The following EPB41L3 variants were observed in gnomAD, a reference collection of about 807,000 sequenced individuals.
EPB41L3 encodes erythrocyte membrane protein band 4.1 like 3.
Under a neutral mutation model 127.1 loss-of-function variants are expected in EPB41L3, and 57 were observed. The ratio of observed to expected loss-of-function variants is 0.45; its 90% confidence interval spans 0.36 to 0.56. The LOEUF (loss-of-function observed/expected upper bound fraction) is 0.56, where lower values mean the gene tolerates loss of function less well. Ranked by LOEUF, EPB41L3 falls within the 20% of genes least tolerant of loss-of-function variation. The pLI, the probability that EPB41L3 is intolerant of heterozygous loss-of-function variation, is 0.00. For missense variants in EPB41L3, 1,273 were observed against 1,372.2 expected (o/e 0.93, Z 1.14); for synonymous variants, 572 against 549.5 (o/e 1.04, Z -0.57).
intron 1 of EPB41L3, among the ~76,000 whole-genome samples, chr18:5,500,534 C>A (rs148686424): frequency 6.6e-6 from 1 of 152,102 alleles, no homozygotes; most frequent in Non-Finnish European, 1.5e-5. Context: ...TATGCCTTAG[C>A]GAGGGGGCAA....
intron 1 of EPB41L3, among the ~76,000 whole-genome samples, chr18:5,536,040 C>G (rs1189415697): frequency 6.6e-6 from 1 of 152,006 alleles, no homozygotes; most frequent in Non-Finnish European, 1.5e-5. Context: ...TCGAGGCATG[C>G]CAAGAGGCAC....
intron 3 of EPB41L3, among the ~76,000 whole-genome samples, chr18:5,565,598 T>C (rs2094188006): frequency 6.9e-6 from 1 of 144,846 alleles, no homozygotes; most frequent in Non-Finnish European, 1.5e-5. Flanking sequence ...AATGTTATTG[T>C]TATCCCTCCC....
At position 5,605,578 on chromosome 18, in the gene EPB41L3, T is replaced by A. The variant is rs535049913; in HGVS notation, c.-306+6762A>T. Among the ~76,000 whole-genome samples the A allele has an allele frequency of 2.4e-4, 36 of 152,058 alleles. 1 individual carries two copies. In the South Asian group the frequency reaches 7.5e-3, roughly 32 times the overall value. On this transcript the variant is annotated intron_variant, in intron 3 of 21. Transcript: ENST00000545076. ...TTTATTTTATTTTTAGTAGTTCTCTTTAATTTTTAGTATTTTTGTTTTTAT... is the reference window on the plus strand; with the variant it reads ...TTTATTTTATTTTTAGTAGTTCTCTATAATTTTTAGTATTTTTGTTTTTAT...
At chr18:5,472,525 C>G (rs1452436646) in intron 3 of EPB41L3, among the ~76,000 whole-genome samples, 1 of 152,172 alleles carries the variant, frequency 6.6e-6, no homozygotes, top group Non-Finnish European at 1.5e-5. Flanking sequence ...TACGTGGAAT[C>G]AAAAGCTCTG....
chr18:5,565,216 G>GC (rs2094182464), intron 3 of EPB41L3, among the ~76,000 whole-genome samples: 2 of 150,654 alleles, frequency 1.3e-5, no homozygotes, highest in South Asian at 4.2e-4. Context: ...GGTCAACATG[G>GC]CAAAACCCCA....
At chr18:5,536,748 T>C (rs1380628416) in intron 1 of EPB41L3, among the ~76,000 whole-genome samples, 5 of 151,998 alleles carry the variant, frequency 3.3e-5, no homozygotes, top group Non-Finnish European at 5.9e-5. Flanking sequence ...GGAGGCTCAC[T>C]TGAACCCGGG....
intron 3 of EPB41L3, among the ~76,000 whole-genome samples, chr18:5,456,660 C>A (rs2083122310): frequency 2.0e-5 from 3 of 152,136 alleles, no homozygotes; most frequent in Admixed American, 1.3e-4. Context: ...ACATGTAATA[C>A]CCTGTTTGAG....
intron 3 of EPB41L3, among the ~76,000 whole-genome samples, chr18:5,449,052 G>C (rs954671396): frequency 3.9e-5 from 6 of 152,168 alleles, no homozygotes; most frequent in Non-Finnish European, 8.8e-5. Flanking sequence ...AATGAAAAGG[G>C]AAGCCAGAGA....
intron 3 of EPB41L3, among the ~76,000 whole-genome samples, chr18:5,446,847 A>G (rs1240776775): frequency 1.3e-5 from 2 of 152,258 alleles, no homozygotes; most frequent in East Asian, 3.8e-4. Context: ...CTATGAATAA[A>G]TATTTCGACA....
chr18:5,393,911 T>G (rs998677481), intron 22 of EPB41L3: 1 of 168,142 alleles, frequency 5.9e-6, no homozygotes, highest in Non-Finnish European at 1.3e-5. Context: ...GAAACGCTCA[T>G]GGCCCCATGA....
At chr18:5,394,650 G>T in intron 22 of EPB41L3, 27 bp downstream of exon 22, 1 of 1,581,806 alleles carries the variant, frequency 6.3e-7, no homozygotes, top group Non-Finnish European at 8.7e-7. Context: ...GCCTAGGCAA[G>T]CCTAGAGAAT....
intron 1 of EPB41L3, among the ~76,000 whole-genome samples, chr18:5,499,163 G>A (rs1166525656): frequency 1.3e-5 from 2 of 152,146 alleles, no homozygotes; most frequent in African/African-American, 4.8e-5. Flanking sequence ...TACATGCTCA[G>A]CTCACCCCAA....
intron 1 of EPB41L3, among the ~76,000 whole-genome samples, chr18:5,628,078 T>A (rs903309071): frequency 6.6e-6 from 1 of 152,238 alleles, no homozygotes; most frequent in Non-Finnish European, 1.5e-5. Flanking sequence ...TGTAACGATA[T>A]GGGCACACTG....
intron 3 of EPB41L3, among the ~76,000 whole-genome samples, chr18:5,609,278 T>C (rs2094698840): frequency 6.6e-6 from 1 of 152,220 alleles, no homozygotes; most frequent in Non-Finnish European, 1.5e-5. Flanking sequence ...GTATAGAAGA[T>C]AATCCTAGAC....
At chr18:5,619,328 T>A (rs949162495) in intron 1 of EPB41L3, among the ~76,000 whole-genome samples, 6 of 152,242 alleles carry the variant, frequency 3.9e-5, no homozygotes, top group Non-Finnish European at 5.9e-5. Context: ...CCCAGTGAAG[T>A]CTAATGTATG....
upstream of EPB41L3, among the ~76,000 whole-genome samples, chr18:5,630,169 T>C (rs554854212): frequency 9.5e-4 from 145 of 152,250 alleles, no homozygotes; most frequent in Admixed American, 1.9e-3. Flanking sequence ...TGCTCGTCCC[T>C]AGTCTCCAGG....
At chr18:5,510,569 T>C (rs1003783629) in intron 1 of EPB41L3, among the ~76,000 whole-genome samples, 8 of 152,316 alleles carry the variant, frequency 5.3e-5, no homozygotes, top group African/African-American at 1.4e-4. Flanking sequence ...GTGGGGTATG[T>C]ATGGGAACCA....
At chr18:5,476,114 A>AT (rs1309088587) in intron 3 of EPB41L3, among the ~76,000 whole-genome samples, 1 of 151,888 alleles carries the variant, frequency 6.6e-6, no homozygotes, top group African/African-American at 2.4e-5. Context: ...TTTACAATAC[A>AT]TTTTTCTCAT....
intron 1 of EPB41L3, among the ~76,000 whole-genome samples, chr18:5,542,440 C>T (rs1453731003): frequency 6.6e-6 from 1 of 152,216 alleles, no homozygotes; most frequent in East Asian, 1.9e-4. Flanking sequence ...CTGGCCACCT[C>T]AGGCAGCCTA....
Sources: gnomAD v4.1 joint callset for allele counts (sites outside exome capture counted in the v4.1 genomes callset) on GRCh38, gnomAD v4.1.1 for gene constraint, MANE v1.5 for transcripts, NCBI Gene and HGNC (gene_info 2026-07-23, HGNC 2026-07-21) for gene names.